Variants in THADA observed in about 807,000 individuals in gnomAD.
THADA encodes tRNA (32-2'-O)-methyltransferase regulator THADA.
THADA carries 213 observed loss-of-function variants against 219.8 expected under a neutral mutation model. The observed-to-expected ratio is 0.97, with a 90% CI of 0.87 to 1.09. THADA has a LOEUF of 1.09. THADA is among the 50% of genes least tolerant of loss of function. The pLI is 0.00. For synonymous variants in THADA, 1,018 were observed against 828.9 expected (o/e 1.23, Z -3.92); for missense variants, 2,956 against 2,311.3 (o/e 1.28, Z -5.72).
chr2:43,483,692 C>T (rs1686527811), intron 26 of THADA, among the ~76,000 whole-genome samples: 1 of 151,716 alleles, frequency 6.6e-6, no homozygotes, highest in African/African-American at 2.4e-5. Context: ...ATTCTTCCTC[C>T]CTCAGATACA....
chr2:43,466,085 T>G (rs1684196715), intron 26 of THADA, among the ~76,000 whole-genome samples: 1 of 152,200 alleles, frequency 6.6e-6, no homozygotes, highest in Non-Finnish European at 1.5e-5. Flanking sequence ...TCTGCCTCAT[T>G]TCCAACCTGA....
chr2:43,340,961 T>C (rs532140545), intron 30 of THADA, among the ~76,000 whole-genome samples: 1 of 152,330 alleles, frequency 6.6e-6, no homozygotes, highest in South Asian at 2.1e-4. Context: ...TCATCACTTA[T>C]ACCCAGTTCT....
At chr2:43,385,813 T>C (rs1353709999) in intron 29 of THADA, among the ~76,000 whole-genome samples, 1 of 151,840 alleles carries the variant, frequency 6.6e-6, no homozygotes, top group Non-Finnish European at 1.5e-5. Context: ...TAGAATTTGC[T>C]GGCACTTGTA....
chr2:43,498,734 G>A, intron 25 of THADA, 99 bp downstream of exon 25: 5 of 1,266,356 alleles, frequency 3.9e-6, no homozygotes, highest in South Asian at 3.6e-5. Context: ...CATGGTAAAG[G>A]GCAGGAAATA....
At chr2:43,483,304 C>T (rs139926170) in intron 26 of THADA, among the ~76,000 whole-genome samples, 63 of 152,236 alleles carry the variant, frequency 4.1e-4, no homozygotes, top group African/African-American at 1.4e-3. Context: ...TTGGAAGGAA[C>T]AGGCATATAA....
At chr2:43,312,022 G>C (rs1458862185) in intron 31 of THADA, among the ~76,000 whole-genome samples, 1 of 152,038 alleles carries the variant, frequency 6.6e-6, no homozygotes, top group Non-Finnish European at 1.5e-5. Flanking sequence ...AACAAAGGGA[G>C]ACCTCTCTCT....
At chr2:43,331,185 A>G (rs902160101) in intron 30 of THADA, among the ~76,000 whole-genome samples, 3 of 152,210 alleles carry the variant, frequency 2.0e-5, no homozygotes, top group Non-Finnish European at 2.9e-5. Context: ...GGATTAGACG[A>G]TCTCTAAATT....
intron 21 of THADA, among the ~76,000 whole-genome samples, chr2:43,540,349 T>C (rs1695138248): frequency 6.6e-6 from 1 of 152,124 alleles, no homozygotes; most frequent in South Asian, 2.1e-4. Flanking sequence ...CCACAGAGTG[T>C]GAGAAAAAAA....
chr2:43,304,284 C>T (rs1676594027), intron 31 of THADA, among the ~76,000 whole-genome samples: 1 of 152,122 alleles, frequency 6.6e-6, no homozygotes. Context: ...ATGGGGGAGG[C>T]AAAGCCCCGG....
At chr2:43,511,640 T>A (rs978603785) in intron 22 of THADA, among the ~76,000 whole-genome samples, 7 of 96,768 alleles carry the variant, frequency 7.2e-5, no homozygotes, top group African/African-American at 3.3e-4. Context: ...CTGGTTCTCA[T>A]ACTAACATAC....
chr2:43,418,577 T>C (rs1348259110), intron 28 of THADA, among the ~76,000 whole-genome samples: 2 of 152,136 alleles, frequency 1.3e-5, no homozygotes, highest in Admixed American at 1.3e-4. Context: ...TTCTCAACTT[T>C]TGGATGTGTG....
intron 26 of THADA, among the ~76,000 whole-genome samples, chr2:43,471,328 C>G (rs1274027957): frequency 1.3e-5 from 2 of 152,042 alleles, no homozygotes; most frequent in African/African-American, 4.8e-5. Flanking sequence ...GACTTTGAGA[C>G]CAGCCTGGGC....
chr2:43,248,163 A>ATC, intron 36 of THADA, among the ~76,000 whole-genome samples: 1 of 44,022 alleles, frequency 2.3e-5, no homozygotes, highest in Admixed American at 2.3e-4. Context: ...ATATATATAT[A>ATC]TAGAGAGAGA....
Position 43,293,084 on chromosome 2 carries a change from G to T in THADA, c.4568C>A (p.Ala1523Asp). 1 of 1,613,970 alleles carries T rather than the reference G, an allele frequency of 6.2e-7. No individual in the cohort carries two copies. The highest frequency in any genetic ancestry group is 8.5e-7 in the Non-Finnish European group (1 of 1,179,880). ...TGCCGCGGCCCACACTGCAGCAATGGCTAGTCTGGTGAGGCTCTGGAGGTA... is the reference window on the plus strand; with the variant it reads ...TGCCGCGGCCCACACTGCAGCAATGTCTAGTCTGGTGAGGCTCTGGAGGTA... ...PQYLQSLTRL[A>D]IAAVWAAAAK... Residue 1523 changes from alanine (A) to aspartate (D), a missense_variant, in exon 32 of 38, where the codon GCC (alanine) becomes GAC (aspartate). Coordinates refer to ENST00000405975, the MANE Select transcript of THADA (RefSeq NM_022065.5).
intron 31 of THADA, among the ~76,000 whole-genome samples, chr2:43,310,444 T>C (rs948699116): frequency 1.3e-5 from 2 of 152,156 alleles, no homozygotes; most frequent in African/African-American, 4.8e-5. Context: ...CCCTAATTTA[T>C]GGTCAACTGA....
In THADA at chr2:43,297,318, A is replaced by C. The variant is rs1480787620; in HGVS notation, c.4439-4105T>G. Among the ~76,000 whole-genome samples the C allele has an allele frequency of 9.4e-3, 878 of 92,918 alleles. 20 individuals carry two copies. The highest frequency in any genetic ancestry group is 0.013 in the Non-Finnish European group (670 of 49,750). The allele number at this position is 92,918 out of a possible 152,430, so 61.0% of individuals were successfully genotyped here. The stretch of plus-strand genomic sequence containing the variant: ...CTCTGCCTGGCAACCACCCCGTCTG[A>C]GAAGTGAGGAGCCCCTCCGCCCGGC... On this transcript the variant is annotated intron_variant, in intron 31 of 37. Coordinates refer to ENST00000405975, the MANE Select transcript of THADA (RefSeq NM_022065.5).
chr2:43,355,624 T>A lies in THADA; in HGVS notation c.4228-11387A>T, dbSNP rs190103242. 3.2e-3 allele frequency among the ~76,000 whole-genome samples: 480 copies of A among 152,324 alleles called. 3 individuals are homozygous for A. Among genetic ancestry groups the A allele is most frequent in the African/African-American group, 0.01 (431 of 41,566 alleles). On this transcript the variant is annotated intron_variant, in intron 29 of 37. Transcript: ENST00000405975. The stretch of plus-strand genomic sequence containing the variant: ...TGTGTTTTCTTCTTAGAGTTTTGTA[T>A]CTTAGGTCTTATGTTTACATCTTTT...
At chr2:43,430,859 T>A (rs144549937) in intron 26 of THADA, among the ~76,000 whole-genome samples, 1 of 152,228 alleles carries the variant, frequency 6.6e-6, no homozygotes, top group Non-Finnish European at 1.5e-5. Flanking sequence ...TCTTTAGACA[T>A]TGCCAAATAT....
At chr2:43,492,312 C>G (rs868526659) in intron 25 of THADA, 4 of 92,188 alleles carry the variant, frequency 4.3e-5, no homozygotes, top group African/African-American at 1.6e-4. Context: ...GACTCTGTCT[C>G]AAAAAAAAAA....
Sources: gnomAD v4.1 joint callset for allele counts (sites outside exome capture counted in the v4.1 genomes callset) on GRCh38, gnomAD v4.1.1 for gene constraint, MANE v1.5 for transcripts, NCBI Gene and HGNC (gene_info 2026-07-23, HGNC 2026-07-21) for gene names.